MYCL: variants seen among roughly 807,000 people sequenced by gnomAD.
MYCL encodes the protein MYCL proto-oncogene, bHLH transcription factor.
Under a neutral mutation model 31.0 loss-of-function variants are expected in MYCL, and 11 were observed. The ratio of observed to expected loss-of-function variants is 0.35; its 90% CI spans 0.22 to 0.59. MYCL has a LOEUF of 0.59. Among genes scored for constraint, MYCL ranks in the 20% least tolerant of loss-of-function variants. The pLI is 0.79. For synonymous variants in MYCL, 208 were observed against 202.4 expected (o/e 1.03, Z -0.23); for missense variants, 427 against 486.1 (o/e 0.88, Z 1.14).
rs1366707749 is a variant in MYCL, at chr1:39,900,922, C to T, written c.496+17G>A. ...CATGGGGTGGCCCCCTCTTGGATGG[C>T]TCGGGGAGGTCCTTACCCGAGTCGC... On this transcript the variant is annotated intron_variant, in intron 1 of 1. Transcript: ENST00000372816. 4.6e-6 allele frequency: 7 copies of T among 1,507,290 alleles called. No individual in the cohort carries two copies. The highest frequency in any genetic ancestry group is 6.2e-6 in the Non-Finnish European group (7 of 1,129,582). 93.4% of individuals were successfully genotyped at this position (1,507,290 alleles called of 1,614,324 possible). A position where few individuals can be genotyped will look rare whatever the true frequency, so the allele number is the denominator to read the frequency against.
At chr1:39,898,284 G>A (rs79656114) in intron 1 of MYCL, among the ~76,000 whole-genome samples, 101 of 152,302 alleles carry the variant, frequency 6.6e-4, no homozygotes, top group African/African-American at 2.3e-3. Flanking sequence ...CCTCCCCCAC[G>A]GAGGGGTTGG....
At position 39,901,100 on chromosome 1, in the gene MYCL, C is replaced by A; in HGVS notation, c.335G>T (p.Arg112Leu). Residue 112 changes from arginine (R) to leucine (L), a missense_variant, in exon 1 of 2, where the codon CGG (arginine) becomes CTG (leucine). Transcript: ENST00000372816. The surrounding 1 kb of genome is among the most constrained non-coding windows in gnomAD (Gnocchi z 6.9). ...RERLERAVSD[R>L]LAPGAPRGNP... ...CCCCCGGGGCGCGCCAGGAGCGAGC[C>A]GGTCGCTCACAGCTCTCTCCAGCCG... The A allele has an allele frequency of 2.5e-6, 4 of 1,587,558 alleles. No individual in the cohort carries two copies. The highest frequency in any genetic ancestry group is 3.4e-6 in the Non-Finnish European group (4 of 1,167,388).
chr1:39,897,341 G>T lies in MYCL; in HGVS notation c.*31C>A, dbSNP rs377634260. The T allele has an allele frequency of 1.3e-6, 2 of 1,538,976 alleles. No individual in the cohort carries two copies. Among genetic ancestry groups the T allele is most frequent in the Non-Finnish European group, 1.8e-6 (2 of 1,140,684 alleles). Reference sequence around the variant, plus strand: ...GGTTAAAAAATAAACTTGTGTCTTCGTAAGACAGAACTGTCAGGCTTTTTG... The same window carrying T: ...GGTTAAAAAATAAACTTGTGTCTTCTTAAGACAGAACTGTCAGGCTTTTTG... On this transcript the variant is annotated 3_prime_UTR_variant, in exon 2 of 2. Coordinates refer to ENST00000372816, the MANE Select transcript of MYCL (RefSeq NM_001033081.3). The surrounding 1 kb of genome is among the most constrained non-coding windows in gnomAD (Gnocchi z 4.3).
rs773755589 is a variant in MYCL at position 39,901,253 on chromosome 1, G to C, written c.182C>G (p.Pro61Arg). ...AGDPAPGIGP[P>R]EPWPGGCTGD... ...GGTGCACCCTCCGGGCCACGGCTCC[G>C]GGGGACCAATCCCGGGGGCCGGGTC... Residue 61 changes from proline to arginine, a missense_variant, in exon 1 of 2, where the codon CCG becomes CGG. Transcript: ENST00000372816. This position sits in a 1 kb window ranked among gnomAD's most constrained non-coding sequence, Gnocchi z 6.9. The C allele has an allele frequency of 1.9e-6, 3 of 1,605,874 alleles. No homozygotes were observed. In the East Asian group the frequency reaches 6.7e-5, roughly 36 times the overall value.
At position 39,896,825 on chromosome 1, in the gene MYCL, T is replaced by C. The variant is rs1644486873; in HGVS notation, c.*547A>G. The C allele has an allele frequency of 5.0e-6, 1 of 200,086 alleles. No homozygotes were observed. Among genetic ancestry groups the C allele is most frequent in the Admixed American group, 5.9e-5 (1 of 17,014 alleles). The allele number at this position is 200,086 out of a possible 1,614,324, so 12.4% of individuals were successfully genotyped here. A position where few individuals can be genotyped will look rare whatever the true frequency, so the allele number is the denominator to read the frequency against. On this transcript the variant is annotated 3_prime_UTR_variant, in exon 2 of 2. Coordinates refer to ENST00000372816, the MANE Select transcript of MYCL (RefSeq NM_001033081.3). Reference sequence around the variant, plus strand: ...CCAACTCCTTGGCTACTGTAAAGTGTCTGACAGTGAGGTAATGGTCAATGT... The same window carrying C: ...CCAACTCCTTGGCTACTGTAAAGTGCCTGACAGTGAGGTAATGGTCAATGT...
chr1:39,901,303 G>A lies in MYCL; in HGVS notation c.132C>T (p.Pro44=), dbSNP rs758007905. The part of the protein sequence containing the change: ...ELVPSPPTSP[P]WGLGPGAGDP... ...CCCCTGCGCCGGGACCCAAGCCCCA[G>A]GGCGGCGACGTGGGGGGCGATGGCA... is the stretch of plus-strand genomic sequence containing the variant. The change falls in exon 1 of 2, where the codon CCC becomes CCT. Residue 44 remains proline (P), a synonymous_variant. Coordinates refer to ENST00000372816, the MANE Select transcript of MYCL (RefSeq NM_001033081.3). The surrounding 1 kb of genome is among the most constrained non-coding windows in gnomAD (Gnocchi z 6.9). 1.4e-5 allele frequency: 23 copies of A among 1,602,936 alleles called. No homozygotes were observed. Among genetic ancestry groups the A allele is most frequent in the African/African-American group, 4.0e-5 (3 of 74,848 alleles).
chr1:39,897,520 T>C lies in MYCL; in HGVS notation c.947A>G (p.Lys316Arg). The C allele has an allele frequency of 6.2e-7, 1 of 1,614,216 alleles. No individual in the cohort carries two copies. The highest frequency in any genetic ancestry group is 1.1e-5 in the South Asian group (1 of 91,084). ...GCTTAGGATCACTACTTTGGGGGCC[T>C]TGGAGCAGCTGGCCAGGGTGGGCAC... ...DQVPTLASCS[K>R]APKVVILSKA... Residue 316 changes from lysine (K) to arginine (R), a missense_variant, in exon 2 of 2, where the codon AAG (lysine) becomes AGG (arginine). Coordinates refer to ENST00000372816, the MANE Select transcript of MYCL (RefSeq NM_001033081.3). This position sits in a 1 kb window ranked among gnomAD's most constrained non-coding sequence, Gnocchi z 4.3.
In MYCL at chr1:39,895,662, T is replaced by C. The variant is rs1305147074; in HGVS notation, c.*1710A>G. ...AAAAAAAAAGACTCCCCCAGCATAA[T>C]AGCCAACAGCAGCTTATAAAACACA... On this transcript the variant is annotated 3_prime_UTR_variant, in exon 2 of 2. Coordinates refer to ENST00000372816, the MANE Select transcript of MYCL (RefSeq NM_001033081.3). The C allele has an allele frequency of 4.4e-6, 1 of 225,990 alleles. No individual in the cohort carries two copies. The highest frequency in any genetic ancestry group is 2.2e-5 in the African/African-American group (1 of 44,826). The allele number at this position is 225,990 out of a possible 1,614,324, so 14.0% of individuals were successfully genotyped here.
chr1:39,901,109 A>G lies in MYCL; in HGVS notation c.326T>C (p.Val109Ala), dbSNP rs745498685. 1 of 1,597,054 alleles carries G rather than the reference A, an allele frequency of 6.3e-7. No homozygotes were observed. Among genetic ancestry groups the G allele is most frequent in the Non-Finnish European group, 8.5e-7 (1 of 1,172,394 alleles). ...FSARERLERA[V>A]SDRLAPGAPR... ...CGCGCCAGGAGCGAGCCGGTCGCTCACAGCTCTCTCCAGCCGTTCCCGGGC... is the reference window on the plus strand; with the variant it reads ...CGCGCCAGGAGCGAGCCGGTCGCTCGCAGCTCTCTCCAGCCGTTCCCGGGC... The change falls in exon 1 of 2, where the codon GTG becomes GCG. Residue 109 changes from valine to alanine, a missense_variant. Transcript: ENST00000372816. This position sits in a 1 kb window ranked among gnomAD's most constrained non-coding sequence, Gnocchi z 6.9.
intron 1 of MYCL, chr1:39,898,748 C>T (rs1426350639): frequency 1.0e-6 from 1 of 985,366 alleles, no homozygotes; most frequent in Non-Finnish European, 1.2e-6. Context: ...ACTACCTGCA[C>T]CAGAGGCAGA....
intron 1 of MYCL, chr1:39,900,171 G>A (rs564641855): frequency 2.0e-6 from 2 of 985,488 alleles, no homozygotes; most frequent in East Asian, 1.1e-4. Flanking sequence ...GAGCAAGAAG[G>A]ACACTTTTCC....
rs1222045760 is a variant in MYCL at position 39,901,448 on chromosome 1, G to T, written c.-14C>A. The stretch of plus-strand genomic sequence containing the variant: ...GTCGTAGTCCATGTCCGCTCCCTGC[G>T]GGAGGGAAGGGGGGACGTGCTGACC... On this transcript the variant is annotated 5_prime_UTR_variant, in exon 1 of 2. Coordinates refer to ENST00000372816, the MANE Select transcript of MYCL (RefSeq NM_001033081.3). This position sits in a 1 kb window ranked among gnomAD's most constrained non-coding sequence, Gnocchi z 6.9. 6.2e-7 allele frequency: 1 copy of T among 1,606,722 alleles called. No homozygotes were observed. The highest frequency in any genetic ancestry group is 1.7e-5 in the Admixed American group (1 of 59,846).
chr1:39,901,262 A>G lies in MYCL; in HGVS notation c.173T>C (p.Ile58Thr). The stretch of plus-strand genomic sequence containing the variant: ...TCCGGGCCACGGCTCCGGGGGACCA[A>G]TCCCGGGGGCCGGGTCCCCTGCGCC... ...GPGAGDPAPGIGPPEPWPGGC... is the reference protein window; with the variant it reads ...GPGAGDPAPGTGPPEPWPGGC... Residue 58 changes from isoleucine (I) to threonine (T), a missense_variant, in exon 1 of 2, where the codon ATT (isoleucine) becomes ACT (threonine). Physicochemically the swap from Ile to Thr is moderately conservative, Grantham distance 89. Transcript: ENST00000372816. The surrounding 1 kb of genome is among the most constrained non-coding windows in gnomAD (Gnocchi z 6.9). The G allele has an allele frequency of 1.2e-6, 2 of 1,603,486 alleles. No homozygotes were observed. Among genetic ancestry groups the G allele is most frequent in the South Asian group, 2.2e-5 (2 of 89,800 alleles).
rs1477881430 is a variant in MYCL at position 39,897,546 on chromosome 1, C to G, written c.921G>C (p.Gln307His). 4.3e-6 allele frequency: 7 copies of G among 1,614,238 alleles called. No homozygotes were observed. Among genetic ancestry groups the G allele is most frequent in the Non-Finnish European group, 5.9e-6 (7 of 1,180,052 alleles). The change falls in exon 2 of 2, where the codon CAG becomes CAC. Residue 307 changes from glutamine to histidine, a missense_variant. Coordinates refer to ENST00000372816, the MANE Select transcript of MYCL (RefSeq NM_001033081.3). This position sits in a 1 kb window ranked among gnomAD's most constrained non-coding sequence, Gnocchi z 4.3. ...LRSRFLALRDQVPTLASCSKA... is the reference protein window; with the variant it reads ...LRSRFLALRDHVPTLASCSKA... ...TGGAGCAGCTGGCCAGGGTGGGCAC[C>G]TGGTCCCTCAGCGCCAAGAATCGCG...
At position 39,897,256 on chromosome 1, in the gene MYCL, T is replaced by C; in HGVS notation, c.*116A>G. On this transcript the variant is annotated 3_prime_UTR_variant, in exon 2 of 2. Transcript: ENST00000372816. This position sits in a 1 kb window ranked among gnomAD's most constrained non-coding sequence, Gnocchi z 4.3. ...GCACCGGCTGCAATGCATTCTGGGA[T>C]CTACTGTCCAGACTGTCCCACCATA... 2.2e-6 allele frequency: 2 copies of C among 897,558 alleles called. No individual in the cohort carries two copies. The highest frequency in any genetic ancestry group is 3.4e-6 in the Non-Finnish European group (2 of 582,584). The allele number at this position is 897,558 out of a possible 1,614,324, so 55.6% of individuals were successfully genotyped here.
intron 1 of MYCL, 163 bp downstream of exon 1, chr1:39,900,776 G>A: frequency 1.4e-6 from 2 of 1,430,974 alleles, no homozygotes; most frequent in South Asian, 1.5e-5. Flanking sequence ...ACACACCCAC[G>A]TGCCAGACAG....
chr1:39,896,207 G>T lies in MYCL; in HGVS notation c.*1165C>A. On this transcript the variant is annotated 3_prime_UTR_variant, in exon 2 of 2. Transcript: ENST00000372816. ...GTCCACCTTCTGGAGCACTGGATGA[G>T]TCCCAACAGCTCTCCCCAAAACTTC... 4.9e-6 allele frequency: 1 copy of T among 202,648 alleles called. No homozygotes were observed. The highest frequency in any genetic ancestry group is 1.0e-5 in the Non-Finnish European group (1 of 98,676). 12.6% of individuals were successfully genotyped at this position (202,648 alleles called of 1,614,324 possible). A position where few individuals can be genotyped will look rare whatever the true frequency, so the allele number is the denominator to read the frequency against.
intron 1 of MYCL, chr1:39,898,728 C>T: frequency 3.0e-6 from 3 of 985,470 alleles, no homozygotes; most frequent in Non-Finnish European, 3.6e-6. Context: ...GTACAAGCGA[C>T]CATTTCCAAA....
chr1:39,901,472 C>A lies in MYCL; in HGVS notation c.-38G>T. The A allele has an allele frequency of 6.3e-7, 1 of 1,596,112 alleles. No individual in the cohort carries two copies. The stretch of plus-strand genomic sequence containing the variant: ...CGGGAGGGAAGGGGGGACGTGCTGA[C>A]CGGGTGCCGGCCGGGCGAAGGAGGT... On this transcript the variant is annotated 5_prime_UTR_variant, in exon 1 of 2. Coordinates refer to ENST00000372816, the MANE Select transcript of MYCL (RefSeq NM_001033081.3). This position sits in a 1 kb window ranked among gnomAD's most constrained non-coding sequence, Gnocchi z 6.9.
Sources: gnomAD v4.1 joint callset for allele counts (sites outside exome capture counted in the v4.1 genomes callset) on GRCh38, gnomAD v4.1.1 for gene constraint, Gnocchi (gnomAD v3.1) non-coding constraint, MANE v1.5 for transcripts, NCBI Gene and HGNC (gene_info 2026-07-23, HGNC 2026-07-21) for gene names.